Variants in C11orf65 observed in about 807,000 individuals in gnomAD.
C11orf65 encodes the protein protein MFI.
C11orf65 carries 38 observed loss-of-function variants against 35.3 expected under a neutral mutation model. The ratio of observed to expected loss-of-function variants is 1.08; its 90% CI spans 0.83 to 1.41. The LOEUF (loss-of-function observed/expected upper bound fraction) is 1.41. Among genes scored for constraint, C11orf65 ranks in the 40% most tolerant of loss-of-function variants. The pLI, the probability that C11orf65 is intolerant of heterozygous loss-of-function variation, is 0.00. For synonymous variants in C11orf65, 105 were observed against 114.4 expected (o/e 0.92, Z 0.53); for missense variants, 370 against 367.1 (o/e 1.01, Z -0.06).
intron 3 of C11orf65, among the ~76,000 whole-genome samples, chr11:108,408,721 A>ATAACATAACAAAC: frequency 7.6e-6 from 1 of 130,952 alleles, no homozygotes; most frequent in African/African-American, 3.4e-5. Context: ...AATAAAATAA[A>ATAACATAACAAAC]ATAAAATAAA....
intron 6 of C11orf65, among the ~76,000 whole-genome samples, chr11:108,402,940 C>G (rs10890831): frequency 0.054 from 8,236 of 152,202 alleles, 724 homozygotes; most frequent in African/African-American, 0.18. Flanking sequence ...GCGTAGTATT[C>G]CTTTGTGTAG....
At chr11:108,342,323 A>G (rs1323081743) in intron 2 of C11orf65, among the ~76,000 whole-genome samples, 1 of 152,228 alleles carries the variant, frequency 6.6e-6, no homozygotes, top group Non-Finnish European at 1.5e-5. Context: ...GTATTTATGT[A>G]GTATATAGCT....
chr11:108,427,449 C>T (rs1373576378), intron 3 of C11orf65, among the ~76,000 whole-genome samples: 83 of 398 alleles, frequency 0.21, 1 homozygote, highest in Non-Finnish European at 0.29. Context: ...CGGCCGGGCG[C>T]GGGCTGACGC....
At chr11:108,399,464 AT>A (rs748827263) in intron 6 of C11orf65, among the ~76,000 whole-genome samples, 3 of 152,278 alleles carry the variant, frequency 2.0e-5, no homozygotes, top group Non-Finnish European at 2.9e-5. Flanking sequence ...TCTTTTGATC[AT>A]TTTCTAGGCC....
chr11:108,330,282 G>A (rs1064796589), downstream of C11orf65: 3 of 1,614,188 alleles, frequency 1.9e-6, no homozygotes, highest in East Asian at 2.2e-5. Context: ...AAAGAGGATC[G>A]TAAACGCTTC....
At chr11:108,390,252 C>T (rs987425728) in intron 7 of C11orf65, among the ~76,000 whole-genome samples, 4 of 151,944 alleles carry the variant, frequency 2.6e-5, no homozygotes, top group African/African-American at 7.3e-5. Context: ...TCTCGATCTC[C>T]CGACCTCATG....
At chr11:108,382,355 C>T (rs1248935096), downstream of C11orf65, among the ~76,000 whole-genome samples, 1 of 151,298 alleles carries the variant, frequency 6.6e-6, no homozygotes, top group Admixed American at 6.6e-5. Flanking sequence ...AAATCGTAGG[C>T]CCCAAAAAAA....
chr11:108,445,715 C>A (rs924207932), intron 2 of C11orf65, among the ~76,000 whole-genome samples: 5 of 152,078 alleles, frequency 3.3e-5, no homozygotes, highest in African/African-American at 1.2e-4. Context: ...AGCAGAGCAC[C>A]TCTCCTCCTC....
chr11:108,317,199 A>T (rs2084750752), intron 6 of C11orf65, among the ~76,000 whole-genome samples: 1 of 151,868 alleles, frequency 6.6e-6, no homozygotes, highest in South Asian at 2.1e-4. Context: ...TCAGCCTCCC[A>T]AAGTGCTGAG....
intron 3 of C11orf65, among the ~76,000 whole-genome samples, chr11:108,416,817 G>A (rs2092739840): frequency 6.6e-6 from 1 of 152,136 alleles, no homozygotes; most frequent in African/African-American, 2.4e-5. Context: ...AAATGGCACA[G>A]CCACTTTGGA....
chr11:108,355,660 T>C (rs2089817276), intron 2 of C11orf65: 1 of 152,272 alleles, frequency 6.6e-6, no homozygotes, highest in African/African-American at 2.4e-5. Context: ...TGGCTGCATG[T>C]TAGTATTACT....
chr11:108,438,312 G>A (rs912552027), intron 2 of C11orf65, among the ~76,000 whole-genome samples: 1 of 152,128 alleles, frequency 6.6e-6, no homozygotes, highest in Non-Finnish European at 1.5e-5. Context: ...AGCAATTTGG[G>A]AGGCCGAGAC....
intron 8 of C11orf65, among the ~76,000 whole-genome samples, chr11:108,383,404 T>C (rs994587060): frequency 2.0e-5 from 3 of 152,226 alleles, no homozygotes; most frequent in African/African-American, 7.2e-5. Context: ...TTAGGTCTGA[T>C]CTACTAATAA....
At chr11:108,405,268 C>G (rs2092519745) in intron 6 of C11orf65, among the ~76,000 whole-genome samples, 161 bp downstream of exon 6, 4 of 152,184 alleles carry the variant, frequency 2.6e-5, no homozygotes, top group Admixed American at 2.6e-4. Flanking sequence ...AACAGAATAT[C>G]TGTGTGTCAG....
chr11:108,351,094 C>T (rs781221173), intron 2 of C11orf65, among the ~76,000 whole-genome samples: 1 of 152,100 alleles, frequency 6.6e-6, no homozygotes, highest in Non-Finnish European at 1.5e-5. Flanking sequence ...TGAATAATAA[C>T]ACACAATATA....
Position 108,310,265 on chromosome 11 carries a change from C to G in C11orf65, c.641-1194G>C, listed in dbSNP as rs540054724. On this transcript the variant is annotated intron_variant, in intron 6 of 6. Coordinates refer to the C11orf65 transcript ENST00000525729. ...GTGCTGCTCACTTTACAGCTTTACT[C>G]TATGCAGAAATCTATGCAGATAAGA... The G allele has an allele frequency of 6.2e-7, 1 of 1,613,354 alleles. No individual in the cohort carries two copies. Among genetic ancestry groups the G allele is most frequent in the South Asian group, 1.1e-5 (1 of 91,058 alleles).
At chr11:108,436,166 A>T (rs535256624) in intron 2 of C11orf65, among the ~76,000 whole-genome samples, 2 of 152,064 alleles carry the variant, frequency 1.3e-5, no homozygotes, top group Non-Finnish European at 2.9e-5. Flanking sequence ...GGATGCGGGC[A>T]ACTTCTAGAA....
At chr11:108,371,267 G>A (rs540357682) in intron 2 of C11orf65, among the ~76,000 whole-genome samples, 2 of 152,210 alleles carry the variant, frequency 1.3e-5, no homozygotes, top group African/African-American at 2.4e-5. Flanking sequence ...TTACCATCTC[G>A]TTTTTAAGTA....
At chr11:108,414,756 T>C (rs2092707239) in intron 3 of C11orf65, among the ~76,000 whole-genome samples, 3 of 152,000 alleles carry the variant, frequency 2.0e-5, no homozygotes, top group African/African-American at 7.2e-5. Flanking sequence ...CACAGAGACA[T>C]TACATGAAAG....
Sources: gnomAD v4.1 joint callset for allele counts (sites outside exome capture counted in the v4.1 genomes callset) on GRCh38, gnomAD v4.1.1 for gene constraint, MANE v1.5 for transcripts, NCBI Gene and HGNC (gene_info 2026-07-23, HGNC 2026-07-21) for gene names.